Variants in JAZF1 observed in about 807,000 individuals in gnomAD.
JAZF1 encodes the protein JAZF zinc finger 1.
A neutral mutation model predicts 26.4 loss-of-function variants in JAZF1; 8 were observed. That is an observed-to-expected ratio of 0.30 (90% CI 0.18 to 0.55). JAZF1 has a LOEUF of 0.55. Among genes scored for constraint, JAZF1 ranks in the 20% least tolerant of loss-of-function variants. The pLI is 0.94. For synonymous variants in JAZF1, 126 were observed against 122.3 expected, an observed-to-expected ratio of 1.03 and a Z score of -0.20; for missense variants, 199 against 322.0, an observed-to-expected ratio of 0.62 and a Z score of 2.92.
Position 27,991,907 on chromosome 7 carries a change from A to T in JAZF1, c.188+2T>A. On this transcript the variant is annotated splice_donor_variant, in intron 2 of 4. Coordinates refer to ENST00000283928, the MANE Select transcript of JAZF1 (RefSeq NM_175061.4). LOFTEE classifies it high-confidence loss of function. ...TTATAATAAATTCTGAAAATGGCTT[A>T]CCTATTTATGTAACTCAGGGCAACA... 6.5e-7 allele frequency: 1 copy of T among 1,547,346 alleles called. No homozygotes were observed. The highest frequency in any genetic ancestry group is 2.2e-5 in the East Asian group (1 of 44,466).
At chr7:27,879,367 A>G (rs2128339268) in intron 3 of JAZF1, among the ~76,000 whole-genome samples, 1 of 152,300 alleles carries the variant, frequency 6.6e-6, no homozygotes, top group South Asian at 2.1e-4. Flanking sequence ...ATGAGAATTA[A>G]ACCCATGACC....
intron 1 of JAZF1, among the ~76,000 whole-genome samples, chr7:28,088,327 T>C (rs1016327893): frequency 6.6e-6 from 1 of 152,246 alleles, no homozygotes; most frequent in Admixed American, 6.5e-5. Context: ...GATTCTGAGA[T>C]ATTTTGCTAC....
chr7:28,176,915 T>C (rs139140746), intron 1 of JAZF1, among the ~76,000 whole-genome samples: 1 of 152,146 alleles, frequency 6.6e-6, no homozygotes, highest in African/African-American at 2.4e-5. Flanking sequence ...AGATTCCCAG[T>C]TACCAGTTTA....
chr7:28,175,227 T>A (rs1213814800), intron 1 of JAZF1, among the ~76,000 whole-genome samples: 1 of 152,176 alleles, frequency 6.6e-6, no homozygotes, highest in Non-Finnish European at 1.5e-5. Context: ...GGCCAGAGGC[T>A]GCAACACCAG....
intron 1 of JAZF1, among the ~76,000 whole-genome samples, chr7:28,006,460 T>C (rs1372881753): frequency 1.3e-5 from 2 of 152,208 alleles, no homozygotes; most frequent in Non-Finnish European, 2.9e-5. Flanking sequence ...AAGCATTTAG[T>C]GCTTGCGTTG....
At chr7:28,062,881 T>C (rs1035077809) in intron 1 of JAZF1, among the ~76,000 whole-genome samples, 1 of 152,236 alleles carries the variant, frequency 6.6e-6, no homozygotes, top group African/African-American at 2.4e-5. Flanking sequence ...TGTTTAATTC[T>C]CATTTCTGAA....
chr7:27,990,988 A>G (rs1785887866), intron 2 of JAZF1, among the ~76,000 whole-genome samples: 1 of 152,196 alleles, frequency 6.6e-6, no homozygotes, highest in African/African-American at 2.4e-5. Flanking sequence ...AGAACCTGAA[A>G]CTGAACAACA....
At position 27,831,509 on chromosome 7, in the gene JAZF1, G is replaced by C; in HGVS notation, c.*1291C>G. ...TACTGTCGGTGAGGAAAAACTTAAG[G>C]AATGGTCCAGATGTAGATTACTCTA... On this transcript the variant is annotated 3_prime_UTR_variant, in exon 5 of 5. Coordinates refer to ENST00000283928, the MANE Select transcript of JAZF1 (RefSeq NM_175061.4). 1 of 228,856 alleles carries C rather than the reference G, an allele frequency of 4.4e-6. No homozygotes were observed. The highest frequency in any genetic ancestry group is 8.7e-6 in the Non-Finnish European group (1 of 114,988). The allele number at this position is 228,856 out of a possible 1,614,324, so 14.2% of individuals were successfully genotyped here.
At chr7:27,988,920 TAA>T (rs57661404) in intron 2 of JAZF1, among the ~76,000 whole-genome samples, 9,331 of 83,814 alleles carry the variant, frequency 0.11, 417 homozygotes, top group African/African-American at 0.14. Flanking sequence ...AGAATCTCTG[TAA>T]AAAAAAAAAA....
At chr7:27,902,508 A>T (rs1784182507) in intron 2 of JAZF1, among the ~76,000 whole-genome samples, 1 of 152,172 alleles carries the variant, frequency 6.6e-6, no homozygotes, top group South Asian at 2.1e-4. Flanking sequence ...TCTAGATTCA[A>T]ATCCCTGATC....
intron 1 of JAZF1, among the ~76,000 whole-genome samples, chr7:28,136,884 G>T (rs1347134671): frequency 1.3e-5 from 2 of 152,188 alleles, no homozygotes; most frequent in Non-Finnish European, 2.9e-5. Flanking sequence ...GAGTGCGATG[G>T]GTGGACAAGC....
At chr7:27,925,085 T>C (rs1784587490) in intron 2 of JAZF1, among the ~76,000 whole-genome samples, 1 of 152,242 alleles carries the variant, frequency 6.6e-6, no homozygotes, top group South Asian at 2.1e-4. Context: ...TTGGACTTCC[T>C]ATTGAAAACA....
intron 3 of JAZF1, among the ~76,000 whole-genome samples, chr7:27,878,658 G>A (rs1353931839): frequency 6.6e-6 from 1 of 152,170 alleles, no homozygotes; most frequent in Non-Finnish European, 1.5e-5. Flanking sequence ...GTTCGGGGCA[G>A]TAACGCATTT....
intron 2 of JAZF1, among the ~76,000 whole-genome samples, chr7:27,903,015 TAAA>T (rs60212939): frequency 1.5e-4 from 15 of 98,938 alleles, no homozygotes; most frequent in Non-Finnish European, 1.2e-4. Flanking sequence ...GACTCCGTCT[TAAA>T]AAAAAAAAAA....
intron 1 of JAZF1, among the ~76,000 whole-genome samples, chr7:28,010,497 G>A (rs1782782263): frequency 6.6e-6 from 1 of 152,148 alleles, no homozygotes; most frequent in African/African-American, 2.4e-5. Context: ...TGGGGGCCTA[G>A]AATGATATGC....
chr7:28,039,336 G>A (rs866535777), intron 1 of JAZF1, among the ~76,000 whole-genome samples: 1 of 152,036 alleles, frequency 6.6e-6, no homozygotes, highest in Admixed American at 6.6e-5. Flanking sequence ...TCTTGCAACC[G>A]GGGAAACTGA....
chr7:28,031,128 T>C lies in JAZF1; in HGVS notation c.116-39147A>G, dbSNP rs1012704446. Among the ~76,000 whole-genome samples the C allele has an allele frequency of 2.0e-5, 3 of 152,306 alleles. No individual in the cohort carries two copies. The East Asian group carries it at 5.8e-4, about 29-fold the overall frequency. ...AGTCCTCTAAAGCTAAAAAGACATC[T>C]ATATCTCAGGTTCAGCTCTCCTTTG... On this transcript the variant is annotated intron_variant, in intron 1 of 4. Coordinates refer to ENST00000283928, the MANE Select transcript of JAZF1 (RefSeq NM_175061.4).
intron 1 of JAZF1, among the ~76,000 whole-genome samples, chr7:28,009,237 C>T (rs1296928457): frequency 6.8e-6 from 1 of 146,544 alleles, no homozygotes; most frequent in African/African-American, 2.5e-5. Context: ...AGATAACATA[C>T]TTTCAAAAAA....
intron 1 of JAZF1, among the ~76,000 whole-genome samples, chr7:28,164,720 G>C (rs1050995439): frequency 6.6e-6 from 1 of 152,196 alleles, no homozygotes; most frequent in South Asian, 2.1e-4. Context: ...TACATGTTAC[G>C]TTACTGCTTT....
Sources: allele counts gnomAD v4.1 joint callset (sites outside exome capture counted in the v4.1 genomes callset), GRCh38; gene constraint gnomAD v4.1.1; transcripts MANE v1.5; gene names NCBI Gene and HGNC (gene_info 2026-07-23, HGNC 2026-07-21).